AMPH: variants seen among roughly 807,000 people sequenced by gnomAD.
The protein encoded by AMPH is amphiphysin (Stiff-Mann syndrome with breast cancer 128kD autoantigen).
A neutral mutation model predicts 99.1 loss-of-function variants in AMPH; 49 were observed. The observed-to-expected ratio is 0.49, with a 90% CI of 0.39 to 0.63. AMPH has a LOEUF of 0.63. Ranked by LOEUF, AMPH falls within the 20% of genes least tolerant of loss-of-function variation. The probability of loss-of-function intolerance (pLI) is 0.00; values close to 1 mark genes in which losing one functional copy is unlikely to be tolerated. For missense variants in AMPH, 759 were observed against 863.4 expected, an observed-to-expected ratio of 0.88 and a Z score of 1.52; for synonymous variants, 314 against 317.3, an observed-to-expected ratio of 0.99 and a Z score of 0.11.
At chr7:38,462,935 T>G in intron 10 of AMPH, 40 bp downstream of exon 10, 3 of 1,513,270 alleles carry the variant, frequency 2.0e-6, no homozygotes, top group Non-Finnish European at 2.7e-6. Context: ...CTTCATCTCA[T>G]CATGAGCTCT....
At chr7:38,614,228 A>G (rs879563531) in intron 1 of AMPH, among the ~76,000 whole-genome samples, 6 of 152,224 alleles carry the variant, frequency 3.9e-5, no homozygotes, top group Non-Finnish European at 7.3e-5. Flanking sequence ...TTGGAATTTT[A>G]TTACTAAATG....
At chr7:38,589,440 A>G (rs1410151687) in intron 1 of AMPH, among the ~76,000 whole-genome samples, 1 of 152,182 alleles carries the variant, frequency 6.6e-6, no homozygotes, top group African/African-American at 2.4e-5. Context: ...ATTGGATAAG[A>G]TTGCCTGTCT....
intron 11 of AMPH, among the ~76,000 whole-genome samples, chr7:38,447,026 T>TG (rs990461518): frequency 2.0e-4 from 30 of 150,430 alleles, no homozygotes; most frequent in South Asian, 4.4e-4. Context: ...ATTTTTTTTT[T>TG]TTGTTTGTTT....
At chr7:38,500,703 G>A (rs1380513014) in intron 3 of AMPH, among the ~76,000 whole-genome samples, 2 of 152,120 alleles carry the variant, frequency 1.3e-5, no homozygotes, top group Admixed American at 6.5e-5. Flanking sequence ...AATGACTTCC[G>A]TGTTCAAATC....
At chr7:38,492,198 G>A (rs992433312) in intron 4 of AMPH, among the ~76,000 whole-genome samples, 5 of 152,182 alleles carry the variant, frequency 3.3e-5, no homozygotes, top group African/African-American at 1.2e-4. Context: ...TTTGCAACCA[G>A]GTGTGGTCAT....
chr7:38,577,485 A>T (rs2129054195), intron 1 of AMPH, among the ~76,000 whole-genome samples: 1 of 152,346 alleles, frequency 6.6e-6, no homozygotes, highest in South Asian at 2.1e-4. Context: ...GATTAGCGTA[A>T]GTTGACTGCA....
intron 5 of AMPH, among the ~76,000 whole-genome samples, chr7:38,478,085 AACAAAAC>A (rs1476893923): frequency 5.3e-5 from 8 of 151,756 alleles, no homozygotes; most frequent in Non-Finnish European, 1.0e-4. Context: ...CAAACAAACA[AACAAAAC>A]AACAACAACA....
intron 17 of AMPH, among the ~76,000 whole-genome samples, chr7:38,415,187 T>C (rs368196843): frequency 3.3e-5 from 5 of 152,316 alleles, no homozygotes; most frequent in African/African-American, 9.6e-5. Flanking sequence ...AGGTTTCTTT[T>C]GGAAACACCG....
At chr7:38,441,752 T>G (rs1786518939) in intron 11 of AMPH, among the ~76,000 whole-genome samples, 1 of 89,194 alleles carries the variant, frequency 1.1e-5, no homozygotes, top group Non-Finnish European at 2.3e-5. Flanking sequence ...AGATATATCA[T>G]ATATATATCA....
intron 4 of AMPH, among the ~76,000 whole-genome samples, chr7:38,491,848 A>C (rs1460577472): frequency 6.6e-6 from 1 of 152,204 alleles, no homozygotes; most frequent in East Asian, 1.9e-4. Flanking sequence ...CTTGAACTCA[A>C]AGCCATGATA....
intron 2 of AMPH, among the ~76,000 whole-genome samples, chr7:38,505,186 T>C (rs1789277077): frequency 6.6e-6 from 1 of 152,188 alleles, no homozygotes; most frequent in African/African-American, 2.4e-5. Flanking sequence ...TAATGATTAA[T>C]ACAAATAAAC....
At chr7:38,461,537 A>C in intron 10 of AMPH, 126 bp from the exon 11 acceptor site, 1 of 1,113,340 alleles carries the variant, frequency 9.0e-7, no homozygotes, top group East Asian at 2.5e-5. Context: ...TGCATATAGC[A>C]GCAAGCCTAT....
intron 3 of AMPH, among the ~76,000 whole-genome samples, 161 bp from the exon 4 acceptor site, chr7:38,494,688 T>C (rs1788861709): frequency 6.6e-6 from 1 of 152,238 alleles, no homozygotes; most frequent in Non-Finnish European, 1.5e-5. Context: ...GTTGTATCTT[T>C]CTTTGAGGGT....
chr7:38,452,869 T>C (rs373379906), intron 11 of AMPH, among the ~76,000 whole-genome samples: 7 of 152,296 alleles, frequency 4.6e-5, no homozygotes, highest in Admixed American at 3.3e-4. Context: ...TAACATAAAA[T>C]GGCTATTTAT....
At chr7:38,530,620 A>C (rs1441357377) in intron 2 of AMPH, among the ~76,000 whole-genome samples, 6 of 152,176 alleles carry the variant, frequency 3.9e-5, no homozygotes, top group Non-Finnish European at 8.8e-5. Flanking sequence ...TAATTAGCAC[A>C]CTTGCCACAG....
At chr7:38,425,004 C>T (rs1013421657) in intron 15 of AMPH, among the ~76,000 whole-genome samples, 2 of 152,044 alleles carry the variant, frequency 1.3e-5, no homozygotes, top group Non-Finnish European at 2.9e-5. Context: ...TTTACAGCTT[C>T]GAATATAATA....
At chr7:38,438,414 A>G (rs1196534508) in intron 11 of AMPH, among the ~76,000 whole-genome samples, 1 of 152,154 alleles carries the variant, frequency 6.6e-6, no homozygotes, top group African/African-American at 2.4e-5. Flanking sequence ...CAGAGGTAAG[A>G]CTGTAGTTGG....
chr7:38,451,948 C>T (rs552379669), intron 11 of AMPH, among the ~76,000 whole-genome samples: 79 of 152,216 alleles, frequency 5.2e-4, no homozygotes, highest in Non-Finnish European at 9.4e-4. Context: ...GTCATAACCA[C>T]GGGGCATCTC....
chr7:38,392,071 C>A (rs1784516830), intron 18 of AMPH, 54 bp from the exon 19 acceptor site: 1 of 1,572,828 alleles, frequency 6.4e-7, no homozygotes, highest in African/African-American at 1.3e-5. Context: ...AACAGAACCT[C>A]CTTGTCCTGC....
Sources: allele counts gnomAD v4.1 joint callset (sites outside exome capture counted in the v4.1 genomes callset), GRCh38; gene constraint gnomAD v4.1.1; transcripts MANE v1.5; gene names NCBI Gene and HGNC (gene_info 2026-07-23, HGNC 2026-07-21).